Variants in EPG5 observed in about 807,000 individuals in gnomAD.
The protein encoded by EPG5 is ectopic P-granules 5 autophagy tethering factor.
Under a neutral mutation model 302.7 loss-of-function variants are expected in EPG5, and 159 were observed. The ratio of observed to expected loss-of-function variants is 0.53; its 90% confidence interval spans 0.46 to 0.60. The LOEUF is 0.60. Among genes scored for constraint, EPG5 ranks in the 20% least tolerant of loss-of-function variants. The pLI, the probability that EPG5 is intolerant of heterozygous loss-of-function variation, is 0.00. For synonymous variants in EPG5, 1,158 were observed against 1,136.8 expected (o/e 1.02, Z -0.37); for missense variants, 2,896 against 3,092.4 (o/e 0.94, Z 1.51).
intron 24 of EPG5, among the ~76,000 whole-genome samples, chr18:45,905,475 A>G (rs1443308521): frequency 6.6e-6 from 1 of 152,210 alleles, no homozygotes; most frequent in Non-Finnish European, 1.5e-5. Flanking sequence ...CCTGAATTCT[A>G]CATGCAGCTG....
At chr18:45,883,519 G>A (rs1341679652) in intron 30 of EPG5, among the ~76,000 whole-genome samples, 2 of 148,218 alleles carry the variant, frequency 1.3e-5, no homozygotes. Context: ...GGAGTGCAGT[G>A]GTGCAATCAC....
chr18:45,883,613 T>A (rs12955028), intron 30 of EPG5, among the ~76,000 whole-genome samples: 1 of 72,450 alleles, frequency 1.4e-5, no homozygotes, highest in African/African-American at 5.5e-5. Flanking sequence ...ACTAGCCTGG[T>A]GTTTTTTTTT....
chr18:45,896,717 G>A (rs1333920411), intron 27 of EPG5, among the ~76,000 whole-genome samples: 1 of 151,856 alleles, frequency 6.6e-6, no homozygotes, highest in African/African-American at 2.4e-5. Context: ...GCTTATTTTT[G>A]TATAATATTT....
chr18:45,953,762 T>C (rs1041209451), intron 2 of EPG5: 10 of 985,362 alleles, frequency 1.0e-5, no homozygotes, highest in Non-Finnish European at 1.2e-5. Context: ...TTTTGTCCAC[T>C]GGCATCATCC....
Position 45,946,738 on chromosome 18 carries a change from C to G in EPG5, c.1602G>C (p.Lys534Asn). The change falls in exon 7 of 44, where the codon AAG becomes AAC. Residue 534 changes from lysine to asparagine, a missense_variant. Lys to Asn is a moderately conservative substitution (Grantham distance 94). Transcript: ENST00000282041. ...AGGAGGATGGCTTCCGCTCGCTGGG[C>G]TTCATGTGGCACATAAACTCAGCTC... The part of the protein sequence containing the change: ...KNRAEFMCHM[K>N]PSERKPSSSG... 1 of 1,614,182 alleles carries G rather than the reference C, an allele frequency of 6.2e-7. No individual in the cohort carries two copies. Among genetic ancestry groups the G allele is most frequent in the African/African-American group, 1.3e-5 (1 of 75,040 alleles).
chr18:45,828,158 G>A, the EPG5 span, among the ~76,000 whole-genome samples: 804 of 152,292 alleles, frequency 5.3e-3, 4 homozygotes, highest in African/African-American at 6.8e-3. Context: ...CTCCACCACC[G>A]TGTGTGCACC....
chr18:45,830,742 T>G, the EPG5 span, among the ~76,000 whole-genome samples: 1 of 145,120 alleles, frequency 6.9e-6, no homozygotes, highest in African/African-American at 2.6e-5. Context: ...CCCACTGCCA[T>G]GCCAGGCTAA....
At chr18:45,826,308 A>T in the EPG5 span, among the ~76,000 whole-genome samples, 1 of 152,118 alleles carries the variant, frequency 6.6e-6, no homozygotes, top group African/African-American at 2.4e-5. Flanking sequence ...TGGCAGGTTT[A>T]AGCAACAATG....
At chr18:45,910,338 A>C (rs547995141) in intron 23 of EPG5, among the ~76,000 whole-genome samples, 183 bp downstream of exon 23, 1 of 152,322 alleles carries the variant, frequency 6.6e-6, no homozygotes, top group Admixed American at 6.5e-5. Context: ...CTGTTGATTC[A>C]GTTCTCTTGA....
intron 25 of EPG5, among the ~76,000 whole-genome samples, chr18:45,903,744 GA>G (rs1274045106): frequency 6.6e-6 from 1 of 152,120 alleles, no homozygotes; most frequent in Non-Finnish European, 1.5e-5. Context: ...AGGTACAAAG[GA>G]AAAGAGTTTA....
At chr18:45,870,542 G>A in intron 36 of EPG5, 25 bp downstream of exon 36, 1 of 1,606,770 alleles carries the variant, frequency 6.2e-7, no homozygotes, top group Non-Finnish European at 8.5e-7. Flanking sequence ...TCTCTAGGCT[G>A]CGATGCCGGG....
At position 45,878,370 on chromosome 18, in the gene EPG5, G is replaced by A; in HGVS notation, c.5942+6C>T. 6.3e-7 allele frequency: 1 copy of A among 1,587,272 alleles called. No homozygotes were observed. Among genetic ancestry groups the A allele is most frequent in the Non-Finnish European group, 8.6e-7 (1 of 1,156,624 alleles). ...AAGGAATTTGAATATCTAAAAAACT[G>A]TTTACCTTTCGTTGTCCTCTAAAAC... is the stretch of plus-strand genomic sequence containing the variant. On this transcript the variant is annotated splice_donor_region_variant and intron_variant, in intron 34 of 43. Transcript: ENST00000282041.
chr18:45,807,713 C>G, the EPG5 span, among the ~76,000 whole-genome samples: 1 of 151,686 alleles, frequency 6.6e-6, no homozygotes, highest in East Asian at 1.9e-4. Context: ...CCCTGTGGGA[C>G]AAAAAAAATC....
intron 27 of EPG5, among the ~76,000 whole-genome samples, chr18:45,891,296 C>T (rs1179917930): frequency 2.0e-5 from 3 of 151,780 alleles, no homozygotes; most frequent in African/African-American, 7.3e-5. Context: ...GTCAGGAGTT[C>T]GAGACATGCC....
At chr18:45,955,395 A>G in intron 1 of EPG5, 57 bp from the exon 2 acceptor site, 1 of 1,259,088 alleles carries the variant, frequency 7.9e-7, no homozygotes, top group South Asian at 1.6e-5. Context: ...TGCTTTCAGC[A>G]GGAGGAATTT....
chr18:45,911,442 C>G (rs1446065956), intron 22 of EPG5, among the ~76,000 whole-genome samples: 1 of 151,878 alleles, frequency 6.6e-6, no homozygotes, highest in Non-Finnish European at 1.5e-5. Context: ...CCCGCCACCA[C>G]GCCTGGCTAA....
rs117817123 is a variant in EPG5, at chr18:45,951,220, C to T, written c.1271G>A (p.Ser424Asn). Residue 424 changes from serine to asparagine, a missense_variant, in exon 4 of 44, where the codon AGC becomes AAC. This residue lies in a region of EPG5 where 1,390 missense variants were observed against 1,430.0 expected (regional missense o/e 0.97). Coordinates refer to ENST00000282041, the MANE Select transcript of EPG5 (RefSeq NM_020964.3). ...TAGTTGACACAGATCAGAGGGAATG[C>T]TTTCTGTCTGCTTAGACGCTGTAAA... is the stretch of plus-strand genomic sequence containing the variant. ...QQGRASKQTE[S>N]IPSDLCQLKE... The T allele has an allele frequency of 0.013, 19,827 of 1,560,870 alleles. 175 individuals carry two copies. The highest frequency in any genetic ancestry group is 0.021 in the Middle Eastern group (121 of 5,832).
intron 43 of EPG5, among the ~76,000 whole-genome samples, chr18:45,855,174 C>T (rs748187272): frequency 5.3e-5 from 8 of 152,156 alleles, no homozygotes; most frequent in African/African-American, 7.2e-5. Context: ...ACTACTTTCT[C>T]GGTTCCAAGC....
chr18:45,928,037 T>C (rs1013071717), intron 13 of EPG5, among the ~76,000 whole-genome samples: 11 of 151,704 alleles, frequency 7.3e-5, no homozygotes, highest in Admixed American at 7.2e-4. Flanking sequence ...CTATTAAAAA[T>C]ACAAAAAAAT....
Sources: gnomAD v4.1 joint callset for allele counts (sites outside exome capture counted in the v4.1 genomes callset) on GRCh38, gnomAD v4.1.1 for gene constraint, gnomAD v4.1.1 regional missense constraint, MANE v1.5 for transcripts, NCBI Gene and HGNC (gene_info 2026-07-23, HGNC 2026-07-21) for gene names.